Variants in SLC13A2 observed in about 807,000 individuals in gnomAD.
The protein encoded by SLC13A2 is Na(+)-coupled citrate transporter.
In SLC13A2, 40 loss-of-function variants were observed where a neutral mutation model predicts 58.5. That is an observed-to-expected ratio of 0.68 (90% CI 0.53 to 0.89). The LOEUF (loss-of-function observed/expected upper bound fraction) is 0.89. Among genes scored for constraint, SLC13A2 ranks in the 40% least tolerant of loss-of-function variants. The probability of loss-of-function intolerance (pLI) is 0.00; values close to 1 mark genes in which losing one functional copy is unlikely to be tolerated. For synonymous variants in SLC13A2, 341 were observed against 331.6 expected (o/e 1.03, Z -0.31); for missense variants, 694 against 772.6 (o/e 0.90, Z 1.21).
intron 1 of SLC13A2, among the ~76,000 whole-genome samples, chr17:28,485,521 A>C (rs2068863916): frequency 6.6e-6 from 1 of 151,918 alleles, no homozygotes; most frequent in Non-Finnish European, 1.5e-5. Flanking sequence ...AGAAGAAAAG[A>C]CCCCTAGGGC....
At position 28,490,948 on chromosome 17, in the gene SLC13A2, C is replaced by T. The variant is rs1555603271; in HGVS notation, c.574+42C>T. 7.1e-6 allele frequency: 11 copies of T among 1,542,942 alleles called. No individual in the cohort carries two copies. In the South Asian group the frequency reaches 1.3e-4, roughly 19 times the overall value. ...TAGACTCTGCCCCAACCCCTTGGTTCTTGGAGAGAGTCTGAGGGTCTGTCC... is the reference window on the plus strand; with the variant it reads ...TAGACTCTGCCCCAACCCCTTGGTTTTTGGAGAGAGTCTGAGGGTCTGTCC... On this transcript the variant is annotated intron_variant, in intron 4 of 11. Coordinates refer to ENST00000314669, the MANE Select transcript of SLC13A2 (RefSeq NM_003984.4).
intron 1 of SLC13A2, among the ~76,000 whole-genome samples, chr17:28,485,832 A>C (rs1008855098): frequency 7.0e-6 from 1 of 142,404 alleles, no homozygotes; most frequent in African/African-American, 2.6e-5. Flanking sequence ...CAAAAGATAC[A>C]AAAAAAAAAA....
intron 1 of SLC13A2, among the ~76,000 whole-genome samples, chr17:28,486,021 A>G (rs556788856): frequency 9.4e-4 from 143 of 152,200 alleles, no homozygotes; most frequent in Non-Finnish European, 1.7e-3. Context: ...ATTAGAAAAA[A>G]TAAGAAATAA....
intron 1 of SLC13A2, among the ~76,000 whole-genome samples, chr17:28,477,504 T>C (rs1555600322): frequency 1.3e-5 from 2 of 151,486 alleles, no homozygotes; most frequent in African/African-American, 4.8e-5. Context: ...ACCCCCAACT[T>C]TTTGAATGAA....
chr17:28,488,728 A>G (rs782459862), intron 1 of SLC13A2, among the ~76,000 whole-genome samples: 24 of 151,598 alleles, frequency 1.6e-4, no homozygotes, highest in Middle Eastern at 6.3e-3. Context: ...ATGCCACAAA[A>G]CCGACTCTGT....
In SLC13A2 at chr17:28,496,340, G is replaced by A. The variant is rs774870665; in HGVS notation, c.1471-110G>A. On this transcript the variant is annotated intron_variant, in intron 10 of 11. Coordinates refer to ENST00000314669, the MANE Select transcript of SLC13A2 (RefSeq NM_003984.4). This position sits in a 1 kb window ranked among gnomAD's most constrained non-coding sequence, Gnocchi z 4.2. The stretch of plus-strand genomic sequence containing the variant: ...AGAGGTGGGCTCATGACCAGAGAGT[G>A]TATTAGGGTACAGGGGTTGTTCCCC... 182 of 1,392,034 alleles carry A rather than the reference G, an allele frequency of 1.3e-4. No individual in the cohort carries two copies. Among genetic ancestry groups the A allele is most frequent in the Non-Finnish European group, 1.7e-4 (175 of 1,038,746 alleles). The allele number at this position is 1,392,034 out of a possible 1,614,324, so 86.2% of individuals were successfully genotyped here. A position where few individuals can be genotyped will look rare whatever the true frequency, so the allele number is the denominator to read the frequency against.
At chr17:28,495,373 G>A (rs1466427256) in intron 9 of SLC13A2, among the ~76,000 whole-genome samples, 2 of 152,132 alleles carry the variant, frequency 1.3e-5, no homozygotes, top group African/African-American at 2.4e-5. Flanking sequence ...GAGTCAGTGC[G>A]GTCAAAGATT....
intron 2 of SLC13A2, 76 bp from the exon 3 acceptor site, chr17:28,490,378 T>C: frequency 6.2e-7 from 1 of 1,614,034 alleles, no homozygotes; most frequent in Non-Finnish European, 8.5e-7. Flanking sequence ...TGTCAGTGAC[T>C]GCATCCCATA....
chr17:28,490,461 TC>T lies in SLC13A2; in HGVS notation c.240del (p.Glu81SerfsTer44). On this transcript the variant is annotated frameshift_variant, in exon 3 of 12. Transcript: ENST00000314669. LOFTEE classifies it high-confidence loss of function. ...CATGTCTCCACCTGCCAGGTTGCCG[TC>T]GAGTATCTTAAGGACTCCAACCTCC... The part of the protein sequence containing the change: ...MGIVDASEVA[V>X]EYLKDSNLLF... 1 of 1,613,864 alleles carries T rather than the reference TC, an allele frequency of 6.2e-7. No individual in the cohort carries two copies. The highest frequency in any genetic ancestry group is 8.5e-7 in the Non-Finnish European group (1 of 1,179,958).
Position 28,490,832 on chromosome 17 carries a change from A to G in SLC13A2, c.500A>G (p.Asn167Ser). Reference protein sequence around the residue: ...DQLHSSQASSNVEEGSNNPTF... With the variant: ...DQLHSSQASSSVEEGSNNPTF... ...CTGCACAGCTCGCAAGCCAGCAGCA[A>G]CGTCGAGGAGGGCAGCAACAACCCC... The change falls in exon 4 of 12, where the codon AAC (asparagine) becomes AGC (serine). Residue 167 changes from asparagine (N) to serine (S), a missense_variant. By Grantham distance (46) the Asn-to-Ser change is conservative. Coordinates refer to ENST00000314669, the MANE Select transcript of SLC13A2 (RefSeq NM_003984.4). 1 of 1,614,080 alleles carries G rather than the reference A, an allele frequency of 6.2e-7. No homozygotes were observed. Among genetic ancestry groups the G allele is most frequent in the Non-Finnish European group, 8.5e-7 (1 of 1,179,984 alleles).
intron 1 of SLC13A2, among the ~76,000 whole-genome samples, chr17:28,479,745 A>C (rs1555600708): frequency 6.6e-6 from 1 of 152,166 alleles, no homozygotes; most frequent in African/African-American, 2.4e-5. Context: ...TAAGGCTGGG[A>C]GTGGTGGCTC....
In SLC13A2 at chr17:28,490,454, G is replaced by T; in HGVS notation, c.232G>T (p.Val78Phe). ...GCTCAGCCATGTCTCCACCTGCCAG[G>T]TTGCCGTCGAGTATCTTAAGGACTC... The part of the protein sequence containing the change: ...PMMGIVDASE[V>F]AVEYLKDSNL... Residue 78 changes from valine (V) to phenylalanine (F), a missense_variant and splice_region_variant, in exon 3 of 12, where the codon GTT becomes TTT. Coordinates refer to ENST00000314669, the MANE Select transcript of SLC13A2 (RefSeq NM_003984.4). 1 of 1,614,060 alleles carries T rather than the reference G, an allele frequency of 6.2e-7. No homozygotes were observed.
chr17:28,473,659 C>T lies in SLC13A2; in HGVS notation c.-54C>T. On this transcript the variant is annotated 5_prime_UTR_variant, in exon 1 of 12. Transcript: ENST00000314669. ...CTGCTTGGCTGCATCTTTGGTCCTT[C>T]TGTTACCCAGCTCCTGGAGGCAGTG... is the stretch of plus-strand genomic sequence containing the variant. 1 of 1,401,802 alleles carries T rather than the reference C, an allele frequency of 7.1e-7. No individual in the cohort carries two copies. The highest frequency in any genetic ancestry group is 1.4e-5 in the African/African-American group (1 of 70,660). 86.8% of individuals were successfully genotyped at this position (1,401,802 alleles called of 1,614,324 possible).
chr17:28,481,813 C>T (rs1293379623), intron 1 of SLC13A2, among the ~76,000 whole-genome samples: 2 of 152,022 alleles, frequency 1.3e-5, no homozygotes, highest in African/African-American at 2.4e-5. Flanking sequence ...GACTTCCATC[C>T]CTCCACACTC....
At chr17:28,483,952 G>A (rs534749392) in intron 1 of SLC13A2, among the ~76,000 whole-genome samples, 1 of 152,302 alleles carries the variant, frequency 6.6e-6, no homozygotes, top group East Asian at 1.9e-4. Context: ...CCCTCTGGGG[G>A]TTTCTGTCTT....
chr17:28,477,372 T>A (rs1344355891), intron 1 of SLC13A2, among the ~76,000 whole-genome samples: 3 of 151,528 alleles, frequency 2.0e-5, no homozygotes, highest in Non-Finnish European at 2.9e-5. Context: ...TTTTTTGTAT[T>A]TTTAGTAGAG....
Position 28,497,670 on chromosome 17 carries a change from CT to C in SLC13A2, c.*402del, listed in dbSNP as rs2069174505. ...AGCTTAGTGACCAGACTTACTTGCA[CT>C]GTATTTATTGAAATTCAGGCTTGGA... On this transcript the variant is annotated 3_prime_UTR_variant, in exon 12 of 12. Coordinates refer to ENST00000314669, the MANE Select transcript of SLC13A2 (RefSeq NM_003984.4). 1.1e-5 allele frequency: 2 copies of C among 179,440 alleles called. No individual in the cohort carries two copies. 11.1% of individuals were successfully genotyped at this position (179,440 alleles called of 1,614,324 possible).
chr17:28,491,660 C>T (rs1351513718), intron 5 of SLC13A2, 43 bp downstream of exon 5: 14 of 1,608,234 alleles, frequency 8.7e-6, no homozygotes, highest in Non-Finnish European at 1.2e-5. Flanking sequence ...TCTGCACATT[C>T]ACTGGGAGGT....
intron 2 of SLC13A2, 133 bp downstream of exon 2, chr17:28,489,475 G>A: frequency 9.4e-7 from 1 of 1,063,556 alleles, no homozygotes; most frequent in African/African-American, 1.6e-5. Flanking sequence ...GACTCTGCAT[G>A]AGGAAGAAGT....
Sources: allele counts gnomAD v4.1 joint callset (sites outside exome capture counted in the v4.1 genomes callset), GRCh38; gene constraint gnomAD v4.1.1; non-coding constraint Gnocchi (gnomAD v3.1); transcripts MANE v1.5; gene names NCBI Gene and HGNC (gene_info 2026-07-23, HGNC 2026-07-21).